PIAS1: variants seen among roughly 807,000 people sequenced by gnomAD.
PIAS1 encodes the protein E3 SUMO-protein ligase PIAS1.
Under a neutral mutation model 71.3 loss-of-function variants are expected in PIAS1, and 6 were observed. The observed-to-expected ratio is 0.08, with a 90% CI of 0.05 to 0.17. The LOEUF is 0.17. PIAS1 is among the 10% of genes least tolerant of loss of function. PIAS1 has a pLI of 1.00. For missense variants in PIAS1, 555 were observed against 793.6 expected, an observed-to-expected ratio of 0.70 and a Z score of 3.61; for synonymous variants, 303 against 292.9, an observed-to-expected ratio of 1.03 and a Z score of -0.35.
In PIAS1 at chr15:68,069,319, C is replaced by T. The variant is rs941424894; in HGVS notation, c.24+14969C>T. 3.9e-5 allele frequency among the ~76,000 whole-genome samples: 6 copies of T among 152,164 alleles called. No homozygotes were observed. The East Asian group carries it at 1.2e-3, about 29-fold the overall frequency. ...GGTATTCTCTGCTAAATCTTGCAAA[C>T]AAGCATTCTCCCTTACGCTCCCCTC... is the stretch of plus-strand genomic sequence containing the variant. On this transcript the variant is annotated intron_variant, in intron 1 of 13. Coordinates refer to ENST00000249636, the MANE Select transcript of PIAS1 (RefSeq NM_016166.3).
At chr15:68,080,032 A>G (rs1024301427) in intron 1 of PIAS1, among the ~76,000 whole-genome samples, 4 of 150,512 alleles carry the variant, frequency 2.7e-5, no homozygotes, top group African/African-American at 9.8e-5. Flanking sequence ...GGGTTTCACC[A>G]TGTTGGTCAG....
chr15:68,193,570 C>G lies in PIAS1; in HGVS notation c.*5735C>G, dbSNP rs1314008101. 6.4e-6 allele frequency: 1 copy of G among 155,288 alleles called. No homozygotes were observed. Among genetic ancestry groups the G allele is most frequent in the African/African-American group, 2.4e-5 (1 of 41,518 alleles). 9.6% of individuals were successfully genotyped at this position (155,288 alleles called of 1,614,324 possible). A position where few individuals can be genotyped will look rare whatever the true frequency, so the allele number is the denominator to read the frequency against. The stretch of plus-strand genomic sequence containing the variant: ...GGAAATATGGAAGATGGTTCTAGCC[C>G]CCAAATACAGAATAAGTCTCTTGGT... On this transcript the variant is annotated 3_prime_UTR_variant, in exon 14 of 14. Coordinates refer to ENST00000249636, the MANE Select transcript of PIAS1 (RefSeq NM_016166.3).
At chr15:68,083,095 C>G (rs2092243775) in intron 1 of PIAS1, among the ~76,000 whole-genome samples, 1 of 150,446 alleles carries the variant, frequency 6.6e-6, no homozygotes, top group African/African-American at 2.5e-5. Context: ...GTAATGATTT[C>G]TAATAGTAGT....
At chr15:68,179,382 A>AATG (rs1186258754) in intron 11 of PIAS1, among the ~76,000 whole-genome samples, 1 of 152,012 alleles carries the variant, frequency 6.6e-6, no homozygotes, top group Non-Finnish European at 1.5e-5. Flanking sequence ...AGACTCAGCT[A>AATG]ATGGTAAATG....
rs1241000979 is a variant in PIAS1 at position 68,192,663 on chromosome 15, T to G, written c.*4828T>G. 6.6e-6 allele frequency: 1 copy of G among 152,232 alleles called. No individual in the cohort carries two copies. Among genetic ancestry groups the G allele is most frequent in the Admixed American group, 6.5e-5 (1 of 15,288 alleles). 9.4% of individuals were successfully genotyped at this position (152,232 alleles called of 1,614,324 possible). A position where few individuals can be genotyped will look rare whatever the true frequency, so the allele number is the denominator to read the frequency against. On this transcript the variant is annotated 3_prime_UTR_variant, in exon 14 of 14. Transcript: ENST00000249636. ...AGTTGCACTAACACTACAACTCTTGTTCCCTGCAGTTTTCCCTGTGCCCGG... is the reference window on the plus strand; with the variant it reads ...AGTTGCACTAACACTACAACTCTTGGTCCCTGCAGTTTTCCCTGTGCCCGG...
intron 2 of PIAS1, among the ~76,000 whole-genome samples, chr15:68,127,459 T>C (rs2141027228): frequency 6.6e-6 from 1 of 152,340 alleles, no homozygotes; most frequent in Admixed American, 6.5e-5. Context: ...TTTTGCATTA[T>C]AAATTAGATC....
chr15:68,189,542 G>C lies in PIAS1; in HGVS notation c.*1707G>C, dbSNP rs185323587. 1 of 152,156 alleles carries C rather than the reference G, an allele frequency of 6.6e-6. No individual in the cohort carries two copies. Among genetic ancestry groups the C allele is most frequent in the Non-Finnish European group, 1.5e-5 (1 of 67,996 alleles). 9.4% of individuals were successfully genotyped at this position (152,156 alleles called of 1,614,324 possible). ...ATAAAATTAATGGTTCTCATGACTT[G>C]TGTGGCATCTAAAAATAATGTTTTT... On this transcript the variant is annotated 3_prime_UTR_variant, in exon 14 of 14. Transcript: ENST00000249636.
chr15:68,168,706 A>G (rs1304396808), intron 8 of PIAS1, among the ~76,000 whole-genome samples: 1 of 152,200 alleles, frequency 6.6e-6, no homozygotes, highest in East Asian at 1.9e-4. Context: ...TATGAGAATT[A>G]TCACATAATA....
chr15:68,191,940 CTG>C lies in PIAS1; in HGVS notation c.*4111_*4112del, dbSNP rs755777813. On this transcript the variant is annotated 3_prime_UTR_variant, in exon 14 of 14. Transcript: ENST00000249636. ...GGTTCTAATGACCATTCCACACCAA[CTG>C]TGTGTTTTTGGCAAGTTATATTTCA... The C allele has an allele frequency of 1.3e-5, 2 of 152,350 alleles. No homozygotes were observed. The highest frequency in any genetic ancestry group is 2.4e-5 in the African/African-American group (1 of 41,578). 9.4% of individuals were successfully genotyped at this position (152,350 alleles called of 1,614,324 possible).
chr15:68,155,204 C>T (rs1384231322), intron 7 of PIAS1, among the ~76,000 whole-genome samples: 4 of 151,968 alleles, frequency 2.6e-5, no homozygotes, highest in South Asian at 4.2e-4. Context: ...TTATTTTCTC[C>T]GAGAAACCAC....
rs2037212 is a variant in PIAS1 at position 68,175,422 on chromosome 15, G to C, written c.1170-215G>C. Among the ~76,000 whole-genome samples the C allele has an allele frequency of 0.39, 58,960 of 151,958 alleles. 13,916 individuals are homozygous for C. The highest frequency in any genetic ancestry group is 0.84 in the East Asian group (4,329 of 5,180). On this transcript the variant is annotated intron_variant, in intron 9 of 13. Coordinates refer to ENST00000249636, the MANE Select transcript of PIAS1 (RefSeq NM_016166.3). Reference sequence around the variant, plus strand: ...TGAAATGAAGCTTTCTTTTGTTGACGTTTTCTCACTTTTTGTGAACATTTT... The same window carrying C: ...TGAAATGAAGCTTTCTTTTGTTGACCTTTTCTCACTTTTTGTGAACATTTT...
Position 68,187,072 on chromosome 15 carries a change from TA to T in PIAS1, c.1663-465del, listed in dbSNP as rs2093092765. On this transcript the variant is annotated intron_variant, in intron 13 of 13. Transcript: ENST00000249636. The surrounding 1 kb of genome is among the most constrained non-coding windows in gnomAD (Gnocchi z 5.3). ...TATCATTATGGCTTTAAAATTTAAA[TA>T]AAAATTCTAACTTTCAGTGGTGCCT... 6.6e-6 allele frequency among the ~76,000 whole-genome samples: 1 copy of T among 152,248 alleles called. No homozygotes were observed. Among genetic ancestry groups the T allele is most frequent in the Non-Finnish European group, 1.5e-5 (1 of 68,034 alleles).
Position 68,094,425 on chromosome 15 carries a change from A to G in PIAS1, c.469+7675A>G, listed in dbSNP as rs540088460. ...GGGTTTTGCTCTAGGCAAAAAGGGA[A>G]CAGATGCTTTAACACTCCTAAATAG... On this transcript the variant is annotated intron_variant, in intron 2 of 13. Transcript: ENST00000249636. 1.4e-3 allele frequency among the ~76,000 whole-genome samples: 218 copies of G among 152,126 alleles called. 1 individual carries two copies. Among genetic ancestry groups the G allele is most frequent in the African/African-American group, 4.9e-3 (204 of 41,536 alleles).
intron 6 of PIAS1, 37 bp from the exon 7 acceptor site, chr15:68,153,553 C>T: frequency 1.1e-6 from 1 of 914,878 alleles, no homozygotes; most frequent in Non-Finnish European, 1.8e-6. Flanking sequence ...TATTTACTTA[C>T]ATATGTTGTT....
intron 2 of PIAS1, among the ~76,000 whole-genome samples, chr15:68,127,071 C>T (rs546513679): frequency 6.6e-5 from 10 of 152,184 alleles, no homozygotes; most frequent in Non-Finnish European, 1.0e-4. Flanking sequence ...GCTGGGACTA[C>T]AGGCGCACCA....
chr15:68,151,657 T>C (rs1166888470), intron 6 of PIAS1, among the ~76,000 whole-genome samples: 2 of 93,814 alleles, frequency 2.1e-5, no homozygotes, highest in East Asian at 4.5e-4. Flanking sequence ...CCATCTCTAC[T>C]AAAAACAAAA....
rs559653652 is a variant in PIAS1 at position 68,157,340 on chromosome 15, T to C, written c.934+3645T>C. On this transcript the variant is annotated intron_variant, in intron 7 of 13. Transcript: ENST00000249636. ...TGTCACTCTGTGCTGTCAAGACTCT[T>C]TTATCTTTTAAAAAATAGGAAAACA... is the stretch of plus-strand genomic sequence containing the variant. 1.1e-3 allele frequency among the ~76,000 whole-genome samples: 165 copies of C among 152,264 alleles called. 1 individual carries two copies. Among genetic ancestry groups the C allele is most frequent in the African/African-American group, 3.9e-3 (160 of 41,558 alleles).
At position 68,056,595 on chromosome 15, in the gene PIAS1, T is replaced by C. The variant is rs574825013; in HGVS notation, c.24+2245T>C. On this transcript the variant is annotated intron_variant, in intron 1 of 13. Coordinates refer to ENST00000249636, the MANE Select transcript of PIAS1 (RefSeq NM_016166.3). ...ACTGTTTTGACATGTTGGTATGTCATTGTGTGTGTCTGAGACTTTGAGGAG... is the reference window on the plus strand; with the variant it reads ...ACTGTTTTGACATGTTGGTATGTCACTGTGTGTGTCTGAGACTTTGAGGAG... 1.6e-4 allele frequency among the ~76,000 whole-genome samples: 24 copies of C among 152,238 alleles called. No individual in the cohort carries two copies. The South Asian group carries it at 4.6e-3, about 29-fold the overall frequency.
At chr15:68,063,684 T>C (rs1237054251) in intron 1 of PIAS1, among the ~76,000 whole-genome samples, 1 of 152,216 alleles carries the variant, frequency 6.6e-6, no homozygotes, top group African/African-American at 2.4e-5. Flanking sequence ...AATGCATCAG[T>C]TCTTACAGAG....
Sources: gnomAD v4.1 joint callset for allele counts (sites outside exome capture counted in the v4.1 genomes callset) on GRCh38, gnomAD v4.1.1 for gene constraint, Gnocchi (gnomAD v3.1) non-coding constraint, MANE v1.5 for transcripts, NCBI Gene and HGNC (gene_info 2026-07-23, HGNC 2026-07-21) for gene names.